Variants in APCDD1L observed in about 807,000 individuals in gnomAD.
APCDD1L encodes protein APCDD1-like.
In APCDD1L, 21 loss-of-function variants were observed where a neutral mutation model predicts 24.2. The ratio of observed to expected loss-of-function variants is 0.87; its 90% confidence interval spans 0.61 to 1.25. APCDD1L has a LOEUF of 1.25. Among genes scored for constraint, APCDD1L ranks in the 50% most tolerant of loss-of-function variants. APCDD1L has a pLI of 0.00. For missense variants in APCDD1L, 704 were observed against 711.7 expected, an observed-to-expected ratio of 0.99 and a Z score of 0.12; for synonymous variants, 321 against 323.6, an observed-to-expected ratio of 0.99 and a Z score of 0.09.
Position 58,461,175 on chromosome 20 carries a change from G to A in APCDD1L, c.1121C>T (p.Ser374Phe), listed in dbSNP as rs763147699. ...DQVTTAMLNF[S>F]EPSSCGGAGA... Reference sequence around the variant, plus strand: ...CGCACCCCCACAGCTGCTTGGCTCAGAGAAGTTGAGCATGGCCGTGGTGAC... The same window carrying A: ...CGCACCCCCACAGCTGCTTGGCTCAAAGAAGTTGAGCATGGCCGTGGTGAC... The change falls in exon 4 of 4, where the codon TCT (serine) becomes TTT (phenylalanine). Residue 374 changes from serine (S) to phenylalanine (F), a missense_variant. Ser to Phe is a radical substitution (Grantham distance 155). Transcript: ENST00000371149. The surrounding 1 kb of genome is among the most constrained non-coding windows in gnomAD (Gnocchi z 6.0). 55 of 1,613,342 alleles carry A rather than the reference G, an allele frequency of 3.4e-5. No individual in the cohort carries two copies. The highest frequency in any genetic ancestry group is 4.6e-5 in the Non-Finnish European group (54 of 1,179,652).
At chr20:58,469,906 G>A (rs368513170) in intron 2 of APCDD1L, among the ~76,000 whole-genome samples, 1 of 152,170 alleles carries the variant, frequency 6.6e-6, no homozygotes, top group South Asian at 2.1e-4. Flanking sequence ...CCTTTTCCCC[G>A]ATCCCTGCCC....
chr20:58,468,174 A>G (rs1218565325), intron 2 of APCDD1L, among the ~76,000 whole-genome samples: 1 of 152,118 alleles, frequency 6.6e-6, no homozygotes, highest in Non-Finnish European at 1.5e-5. Context: ...TAAAGGGCTG[A>G]GTAATAAATA....
rs911532477 is a variant in APCDD1L, at chr20:58,494,795, T to G, written c.49+19864A>C. On this transcript the variant is annotated intron_variant, in intron 1 of 3. Transcript: ENST00000371149. The surrounding 1 kb of genome is among the most constrained non-coding windows in gnomAD (Gnocchi z 4.8). ...TGATTCCTGTCTCACGATCATCTCC[T>G]GGCATTCTGCACCCACTGAGCGCCT... is the stretch of plus-strand genomic sequence containing the variant. Among the ~76,000 whole-genome samples the G allele has an allele frequency of 6.6e-6, 1 of 152,242 alleles. No homozygotes were observed. Among genetic ancestry groups the G allele is most frequent in the African/African-American group, 2.4e-5 (1 of 41,468 alleles).
Position 58,467,426 on chromosome 20 carries a change from C to T in APCDD1L, c.421G>A (p.Ala141Thr), listed in dbSNP as rs1006138820. 2 of 1,564,480 alleles carry T rather than the reference C, an allele frequency of 1.3e-6. No homozygotes were observed. The highest frequency in any genetic ancestry group is 1.2e-5 in the South Asian group (1 of 84,954). The change falls in exon 3 of 4, where the codon GCC becomes ACC. Residue 141 changes from alanine (A) to threonine (T), a missense_variant. Ala to Thr is a moderately conservative substitution (Grantham distance 58). Transcript: ENST00000371149. The surrounding 1 kb of genome is among the most constrained non-coding windows in gnomAD (Gnocchi z 5.9). ...KVGIVFHSRR[A>T]LVDVTGRLNQ... is the part of the protein sequence containing the mutation. ...AGGCGCCCGGTGACGTCGACCAGGG[C>T]CCGGCGGCTGTGGAAGACGATGCCC...
At chr20:58,507,520 C>A (rs1404964796) in intron 1 of APCDD1L, among the ~76,000 whole-genome samples, 1 of 152,102 alleles carries the variant, frequency 6.6e-6, no homozygotes. Context: ...CATACGCACA[C>A]CCACCCACAC....
rs771973477 is a variant in APCDD1L at position 58,515,117 on chromosome 20, C to A, written c.-410G>T. The A allele has an allele frequency of 2.7e-5, 5 of 185,710 alleles. No homozygotes were observed. The highest frequency in any genetic ancestry group is 5.5e-5 in the Non-Finnish European group (5 of 90,774). The allele number at this position is 185,710 out of a possible 1,614,324, so 11.5% of individuals were successfully genotyped here. A position where few individuals can be genotyped will look rare whatever the true frequency, so the allele number is the denominator to read the frequency against. The stretch of plus-strand genomic sequence containing the variant: ...AGCTCTGGTCCCGGCCAAGGCAGAG[C>A]GATGCGCTCCTTGCGTCAAAGCGCA... On this transcript the variant is annotated 5_prime_UTR_variant, in exon 1 of 4. Coordinates refer to ENST00000371149, the MANE Select transcript of APCDD1L (RefSeq NM_153360.3).
intron 2 of APCDD1L, among the ~76,000 whole-genome samples, chr20:58,470,224 C>G (rs1423772153): frequency 1.3e-5 from 2 of 152,354 alleles, no homozygotes; most frequent in Admixed American, 1.3e-4. Context: ...TCTAAAGAAC[C>G]CTCCAGGTCA....
intron 1 of APCDD1L, among the ~76,000 whole-genome samples, chr20:58,490,687 T>C (rs866659971): frequency 5.9e-5 from 9 of 152,220 alleles, no homozygotes; most frequent in Admixed American, 2.0e-4. Flanking sequence ...AATGTTGAAA[T>C]ATGCTATGTT....
At chr20:58,466,863 G>T (rs2123135256) in intron 3 of APCDD1L, among the ~76,000 whole-genome samples, 1 of 152,232 alleles carries the variant, frequency 6.6e-6, no homozygotes, top group East Asian at 1.9e-4. Flanking sequence ...GAGGACTAGC[G>T]TGGGAAGGCC....
intron 1 of APCDD1L, among the ~76,000 whole-genome samples, chr20:58,480,605 A>G (rs1990006144): frequency 6.6e-6 from 1 of 152,070 alleles, no homozygotes; most frequent in Non-Finnish European, 1.5e-5. Flanking sequence ...ACTGAGGATA[A>G]CTCCCCGAGG....
At chr20:58,513,002 G>A (rs1990657934) in intron 1 of APCDD1L, among the ~76,000 whole-genome samples, 1 of 151,706 alleles carries the variant, frequency 6.6e-6, no homozygotes, top group South Asian at 2.1e-4. Context: ...CTCCCCAAGA[G>A]CCAGCCACGG....
intron 1 of APCDD1L, among the ~76,000 whole-genome samples, chr20:58,507,728 GA>G (rs1026288075): frequency 6.6e-6 from 1 of 151,896 alleles, no homozygotes; most frequent in Non-Finnish European, 1.5e-5. Flanking sequence ...ACAGCAAGCT[GA>G]AAAAAAATTG....
chr20:58,500,525 A>G (rs553492723), intron 1 of APCDD1L, among the ~76,000 whole-genome samples: 48 of 152,202 alleles, frequency 3.2e-4, no homozygotes, highest in Non-Finnish European at 6.0e-4. Context: ...GTCCTTGGAA[A>G]TGCTTGAGAA....
chr20:58,514,125 T>A, intron 1 of APCDD1L: 1 of 379,944 alleles, frequency 2.6e-6, no homozygotes, highest in East Asian at 8.1e-5. Context: ...CTGAAGCCCC[T>A]TGGTCCCCTT....
At position 58,478,533 on chromosome 20, in the gene APCDD1L, C is replaced by T. The variant is rs137873896; in HGVS notation, c.50-7786G>A. Among the ~76,000 whole-genome samples, 43 of 152,182 alleles carry T rather than the reference C, an allele frequency of 2.8e-4. No individual in the cohort carries two copies. The East Asian group carries it at 8.3e-3, about 30-fold the overall frequency. On this transcript the variant is annotated intron_variant, in intron 1 of 3. Coordinates refer to ENST00000371149, the MANE Select transcript of APCDD1L (RefSeq NM_153360.3). ...CTCTTGCTCACTGCTGATTCTCTAG[C>T]ACCTGGCACAGTGCCTCAGGGATGC...
intron 1 of APCDD1L, among the ~76,000 whole-genome samples, chr20:58,503,893 T>C (rs1990487594): frequency 6.6e-6 from 1 of 152,208 alleles, no homozygotes; most frequent in South Asian, 2.1e-4. Flanking sequence ...CACTCTGCAC[T>C]TTCTCCAGGA....
chr20:58,497,922 G>A lies in APCDD1L; in HGVS notation c.49+16737C>T, dbSNP rs975627649. 1.1e-4 allele frequency among the ~76,000 whole-genome samples: 16 copies of A among 152,120 alleles called. No individual in the cohort carries two copies. The highest frequency in any genetic ancestry group is 6.2e-4 in the South Asian group (3 of 4,816). The stretch of plus-strand genomic sequence containing the variant: ...ACCTCAATCATTTCTCTCCCTTCTC[G>A]GCAGCAACAACCATTATCGGTTTGT... On this transcript the variant is annotated intron_variant, in intron 1 of 3. Transcript: ENST00000371149. This position sits in a 1 kb window ranked among gnomAD's most constrained non-coding sequence, Gnocchi z 4.3.
chr20:58,508,010 G>A lies in APCDD1L; in HGVS notation c.49+6649C>T, dbSNP rs527932020. Among the ~76,000 whole-genome samples the A allele has an allele frequency of 6.6e-6, 1 of 152,338 alleles. No homozygotes were observed. Among genetic ancestry groups the A allele is most frequent in the East Asian group, 1.9e-4 (1 of 5,190 alleles). The stretch of plus-strand genomic sequence containing the variant: ...GTTAGTGAAGATGTAAGAAATGAGT[G>A]CTCTCCTAGGTCACCCATGGGGGTG... On this transcript the variant is annotated intron_variant, in intron 1 of 3. Transcript: ENST00000371149. This position sits in a 1 kb window ranked among gnomAD's most constrained non-coding sequence, Gnocchi z 4.0.
rs180789755 is a variant in APCDD1L, at chr20:58,500,742, C to G, written c.49+13917G>C. Among the ~76,000 whole-genome samples, 26 of 152,302 alleles carry G rather than the reference C, an allele frequency of 1.7e-4. No homozygotes were observed. The East Asian group carries it at 4.4e-3, about 26-fold the overall frequency. On this transcript the variant is annotated intron_variant, in intron 1 of 3. Transcript: ENST00000371149. ...CTCTGAGGACATCCCATCCTTCCTC[C>G]AGGCCACACCTTTGACTACCCCCGG...
Sources: allele counts gnomAD v4.1 joint callset (sites outside exome capture counted in the v4.1 genomes callset), GRCh38; gene constraint gnomAD v4.1.1; non-coding constraint Gnocchi (gnomAD v3.1); transcripts MANE v1.5; gene names NCBI Gene and HGNC (gene_info 2026-07-23, HGNC 2026-07-21).